The following RAPGEF6 variants were observed in gnomAD, a reference collection of about 807,000 sequenced individuals.
The protein encoded by RAPGEF6 is PDZ domain containing guanine nucleotide exchange factor (GEF) 2.
RAPGEF6 carries 56 observed loss-of-function variants against 171.4 expected under a neutral mutation model. The observed-to-expected ratio is 0.33, with a 90% confidence interval of 0.26 to 0.41. The LOEUF is 0.41. Ranked by LOEUF, RAPGEF6 falls within the 10% of genes least tolerant of loss-of-function variation. The pLI, the probability that RAPGEF6 is intolerant of heterozygous loss-of-function variation, is 1.00. For synonymous variants in RAPGEF6, 692 were observed against 650.1 expected (o/e 1.06, Z -0.98); for missense variants, 1,674 against 1,921.4 (o/e 0.87, Z 2.41).
At chr5:131,509,089 T>A (rs942775914) in intron 8 of RAPGEF6, among the ~76,000 whole-genome samples, 7 of 152,134 alleles carry the variant, frequency 4.6e-5, no homozygotes, top group Non-Finnish European at 1.0e-4. Context: ...AAATGCAATC[T>A]AAGAAAAAAA....
At chr5:131,464,467 A>T in intron 17 of RAPGEF6, 186 bp from the exon 18 acceptor site, 1 of 532,056 alleles carries the variant, frequency 1.9e-6, no homozygotes. Flanking sequence ...CAGATAACAA[A>T]TCATTGATAG....
intron 4 of RAPGEF6, among the ~76,000 whole-genome samples, chr5:131,576,566 G>A (rs1423975667): frequency 6.6e-6 from 1 of 152,110 alleles, no homozygotes; most frequent in Non-Finnish European, 1.5e-5. Flanking sequence ...TCACCGCAAG[G>A]GGCATCAAAG....
chr5:131,617,638 A>G (rs1765353435), intron 1 of RAPGEF6, among the ~76,000 whole-genome samples: 1 of 152,116 alleles, frequency 6.6e-6, no homozygotes, highest in African/African-American at 2.4e-5. Flanking sequence ...CACGCCTGTA[A>G]TCTCCAGTAC....
chr5:131,479,608 C>T lies in RAPGEF6; in HGVS notation c.1986G>A (p.Lys662=). The T allele has an allele frequency of 1.9e-6, 3 of 1,613,994 alleles. No individual in the cohort carries two copies. The highest frequency in any genetic ancestry group is 2.5e-6 in the Non-Finnish European group (3 of 1,179,964). ...IEQTSQEKGS[K]KVKANTVSGG... ...CTGAAACAGTATTTGCTTTAACTTT[C>T]TTACTTCCTTTCTCCTGTGATGTCT... Residue 662 remains lysine, a synonymous_variant, in exon 16 of 28, where the codon AAG becomes AAA. Transcript: ENST00000509018.
At chr5:131,623,732 G>A (rs907551122) in intron 1 of RAPGEF6, among the ~76,000 whole-genome samples, 2 of 152,206 alleles carry the variant, frequency 1.3e-5, no homozygotes, top group Middle Eastern at 3.4e-3. Context: ...GGATCTGCCC[G>A]CCTCGGCCTC....
chr5:131,515,104 A>T (rs1757989198), intron 7 of RAPGEF6, among the ~76,000 whole-genome samples: 1 of 152,186 alleles, frequency 6.6e-6, no homozygotes, highest in African/African-American at 2.4e-5. Flanking sequence ...ATCTAGATAA[A>T]CATGAAGCTA....
chr5:131,492,453 C>T (rs1756345148), intron 14 of RAPGEF6, 129 bp downstream of exon 14: 3 of 822,412 alleles, frequency 3.6e-6, no homozygotes, highest in East Asian at 2.6e-5. Flanking sequence ...TATGCAGATA[C>T]TACCTCTAAA....
At chr5:131,437,563 C>T (rs1316185105) in intron 24 of RAPGEF6, among the ~76,000 whole-genome samples, 9 of 152,272 alleles carry the variant, frequency 5.9e-5, no homozygotes, top group South Asian at 2.1e-4. Flanking sequence ...TGGTAAGGGG[C>T]GCATTGGATA....
rs916696067 is a variant in RAPGEF6 at position 131,427,091 on chromosome 5, T to C, written c.*175A>G. The C allele has an allele frequency of 4.4e-6, 3 of 687,044 alleles. No homozygotes were observed. The highest frequency in any genetic ancestry group is 7.7e-6 in the Non-Finnish European group (3 of 389,200). The allele number at this position is 687,044 out of a possible 1,614,324, so 42.6% of individuals were successfully genotyped here. On this transcript the variant is annotated 3_prime_UTR_variant, in exon 28 of 28. Transcript: ENST00000509018. ...TCAGGAAACTATTTATCTGCAGAAA[T>C]TAAATGAAAGGAAGCATAACTCAGG...
intron 20 of RAPGEF6, among the ~76,000 whole-genome samples, chr5:131,454,096 C>T (rs899087218): frequency 2.6e-5 from 4 of 152,140 alleles, no homozygotes. Context: ...AGCTGAAAAA[C>T]CGAGTACAGA....
intron 6 of RAPGEF6, among the ~76,000 whole-genome samples, chr5:131,530,963 T>TA (rs1759329160): frequency 6.6e-6 from 1 of 152,218 alleles, no homozygotes; most frequent in South Asian, 2.1e-4. Context: ...TCATTTTCAC[T>TA]AAAAAGGCCA....
At chr5:131,444,201 C>T (rs1480095450) in intron 22 of RAPGEF6, among the ~76,000 whole-genome samples, 1 of 152,104 alleles carries the variant, frequency 6.6e-6, no homozygotes, top group South Asian at 2.1e-4. Context: ...ACAGACTAGA[C>T]AATATTTGGG....
At chr5:131,616,639 C>T (rs905586387) in intron 1 of RAPGEF6, among the ~76,000 whole-genome samples, 4 of 152,112 alleles carry the variant, frequency 2.6e-5, no homozygotes, top group Non-Finnish European at 5.9e-5. Flanking sequence ...TCACATACAA[C>T]GTTTTTTCTC....
chr5:131,568,917 C>A (rs1032776305), intron 4 of RAPGEF6, among the ~76,000 whole-genome samples: 1 of 151,800 alleles, frequency 6.6e-6, no homozygotes, highest in Non-Finnish European at 1.5e-5. Flanking sequence ...TATGCAAAAA[C>A]CAACTGTATT....
chr5:131,491,134 G>T (rs1374166780), intron 14 of RAPGEF6, among the ~76,000 whole-genome samples: 1 of 152,122 alleles, frequency 6.6e-6, no homozygotes, highest in Non-Finnish European at 1.5e-5. Flanking sequence ...CTGATTACAG[G>T]ATTCTAGCTA....
chr5:131,622,063 G>A (rs1282928090), intron 1 of RAPGEF6, among the ~76,000 whole-genome samples: 2 of 152,072 alleles, frequency 1.3e-5, no homozygotes, highest in Non-Finnish European at 2.9e-5. Flanking sequence ...CCGCACAAAT[G>A]TTCATTAGGC....
chr5:131,433,327 C>T lies in RAPGEF6; in HGVS notation c.3974+103G>A, dbSNP rs1751823139. The T allele has an allele frequency of 4.4e-6, 4 of 903,814 alleles. No homozygotes were observed. The East Asian group carries it at 1.0e-4, about 23-fold the overall frequency. The allele number at this position is 903,814 out of a possible 1,614,324, so 56.0% of individuals were successfully genotyped here. ...CCCACATATTCTTTTATGGATAACTCTGCAATTACCCCATGGGAGGTCCAA... is the reference window on the plus strand; with the variant it reads ...CCCACATATTCTTTTATGGATAACTTTGCAATTACCCCATGGGAGGTCCAA... On this transcript the variant is annotated intron_variant, in intron 25 of 27. Coordinates refer to ENST00000509018, the MANE Select transcript of RAPGEF6 (RefSeq NM_016340.6).
chr5:131,500,681 T>C (rs1201924205), intron 11 of RAPGEF6, among the ~76,000 whole-genome samples: 1 of 152,192 alleles, frequency 6.6e-6, no homozygotes, highest in Non-Finnish European at 1.5e-5. Context: ...CTTCTTGCTA[T>C]TTCTTCTAGC....
intron 3 of RAPGEF6, among the ~76,000 whole-genome samples, chr5:131,602,324 C>T (rs529820323): frequency 6.6e-5 from 10 of 152,284 alleles, no homozygotes; most frequent in African/African-American, 2.4e-4. Context: ...GGCAACTTGA[C>T]ACAATAGTCC....
Sources: gnomAD v4.1 joint callset for allele counts (sites outside exome capture counted in the v4.1 genomes callset) on GRCh38, gnomAD v4.1.1 for gene constraint, MANE v1.5 for transcripts, NCBI Gene and HGNC (gene_info 2026-07-23, HGNC 2026-07-21) for gene names.